The following ADAM22 variants were observed in gnomAD, a reference collection of about 807,000 sequenced individuals.
The protein encoded by ADAM22 is ADAM metallopeptidase domain 22, also known as disintegrin and metalloproteinase domain-containing protein 22.
In ADAM22, 65 loss-of-function variants were observed where a neutral mutation model predicts 144.6. The observed-to-expected ratio is 0.45, with a 90% CI of 0.37 to 0.55. The LOEUF is 0.55. ADAM22 is among the 20% of genes least tolerant of loss of function. The pLI is 0.00. For synonymous variants in ADAM22, 391 were observed against 412.6 expected (o/e 0.95, Z 0.63); for missense variants, 974 against 1,184.9 (o/e 0.82, Z 2.61).
At chr7:88,039,464 A>AAAAAAATATATATATATATAT in intron 3 of ADAM22, among the ~76,000 whole-genome samples, 1 of 76,374 alleles carries the variant, frequency 1.3e-5, no homozygotes, top group African/African-American at 4.7e-5. Flanking sequence ...AAAAAAAAAA[A>AAAAAAATATATATATATATAT]ATATATATAT....
At position 88,155,768 on chromosome 7, in the gene ADAM22, A is replaced by G. The variant is rs549211793; in HGVS notation, c.1788-119A>G. 2.1e-5 allele frequency: 24 copies of G among 1,169,506 alleles called. No homozygotes were observed. In the South Asian group the frequency reaches 3.8e-4, roughly 19 times the overall value. 72.4% of individuals were successfully genotyped at this position (1,169,506 alleles called of 1,614,324 possible). A position where few individuals can be genotyped will look rare whatever the true frequency, so the allele number is the denominator to read the frequency against. Reference sequence around the variant, plus strand: ...TTGGACTTATTTTATTTCACTTGGCATATGAGTAGATAATATACTTGATGA... The same window carrying G: ...TTGGACTTATTTTATTTCACTTGGCGTATGAGTAGATAATATACTTGATGA... On this transcript the variant is annotated intron_variant, in intron 21 of 31. Coordinates refer to ENST00000413139, the MANE Select transcript of ADAM22 (RefSeq NM_001324418.2).
chr7:88,148,544 GA>G (rs1407224643), intron 17 of ADAM22, among the ~76,000 whole-genome samples: 2 of 152,094 alleles, frequency 1.3e-5, no homozygotes, highest in African/African-American at 4.8e-5. Flanking sequence ...AACATGGGAG[GA>G]AATAGCTTTG....
chr7:88,101,568 A>G (rs1465152063), intron 4 of ADAM22, among the ~76,000 whole-genome samples: 1 of 152,188 alleles, frequency 6.6e-6, no homozygotes. Flanking sequence ...ATCCAGGCCA[A>G]AGCATCCTGC....
rs576021351 is a variant in ADAM22 at position 88,011,137 on chromosome 7, G to A, written c.323+32725G>A. Among the ~76,000 whole-genome samples the A allele has an allele frequency of 4.6e-5, 7 of 152,244 alleles. No individual in the cohort carries two copies. In the South Asian group the frequency reaches 1.2e-3, roughly 27 times the overall value. On this transcript the variant is annotated intron_variant, in intron 3 of 31. Transcript: ENST00000413139. ...TTAGGAAAGCTAGTAGTTGAGAAAG[G>A]GATCAGAGGGCTCAGAAACTTTCAG...
chr7:88,113,703 A>AATGTGTATATATATATATAT lies in ADAM22; in HGVS notation c.474-879_474-878insGTGTATATATATATATATAT, dbSNP rs1554478727. On this transcript the variant is annotated intron_variant, in intron 5 of 31. Coordinates refer to ENST00000413139, the MANE Select transcript of ADAM22 (RefSeq NM_001324418.2). ...TATATATATTATAAATAAATAAATA[A>AATGTGTATATATATATATAT]ATATATATATATATATATATATATA... Among the ~76,000 whole-genome samples, 33 of 48,108 alleles carry AATGTGTATATATATATATAT rather than the reference A, an allele frequency of 6.9e-4. 2 individuals carry two copies. Among genetic ancestry groups the AATGTGTATATATATATATAT allele is most frequent in the Admixed American group, 2.5e-3 (9 of 3,604 alleles). The allele number at this position is 48,108 out of a possible 152,430, so 31.6% of individuals were successfully genotyped here.
At chr7:88,007,996 C>G (rs1382140717) in intron 3 of ADAM22, among the ~76,000 whole-genome samples, 1 of 152,138 alleles carries the variant, frequency 6.6e-6, no homozygotes, top group African/African-American at 2.4e-5. Flanking sequence ...TTGCAACCTA[C>G]TCATCTGACA....
At chr7:88,046,805 A>G (rs369375183) in intron 3 of ADAM22, among the ~76,000 whole-genome samples, 19 of 152,316 alleles carry the variant, frequency 1.2e-4, no homozygotes, top group African/African-American at 3.4e-4. Context: ...TTCCAACACT[A>G]TTACAGTTAG....
intron 29 of ADAM22, chr7:88,186,392 T>A (rs1848320372): frequency 2.0e-6 from 1 of 509,560 alleles, no homozygotes; most frequent in Non-Finnish European, 3.5e-6. Flanking sequence ...TTCCCAGAAA[T>A]GTTGAATATA....
chr7:88,132,712 A>G (rs572439538), intron 11 of ADAM22, 155 bp from the exon 12 acceptor site: 28 of 558,948 alleles, frequency 5.0e-5, no homozygotes, highest in African/African-American at 4.4e-4. Context: ...CTTTGGTTAC[A>G]TGTATAAACA....
At chr7:88,048,055 C>A (rs951764989) in intron 3 of ADAM22, among the ~76,000 whole-genome samples, 1 of 152,106 alleles carries the variant, frequency 6.6e-6, no homozygotes, top group Admixed American at 6.5e-5. Flanking sequence ...TTATGTCCTG[C>A]CCTGTTGCTA....
Position 88,022,230 on chromosome 7 carries a change from G to A in ADAM22, c.323+43818G>A, listed in dbSNP as rs566785170. 1.0e-3 allele frequency among the ~76,000 whole-genome samples: 153 copies of A among 151,944 alleles called. 1 individual carries two copies. The highest frequency in any genetic ancestry group is 3.4e-3 in the African/African-American group (139 of 41,428). On this transcript the variant is annotated intron_variant, in intron 3 of 31. Coordinates refer to ENST00000413139, the MANE Select transcript of ADAM22 (RefSeq NM_001324418.2). ...TTAACTATTACTTAACTATTAATTA[G>A]CTATTACTTAACCATCACTTACCTA...
chr7:87,973,812 A>G (rs1851147560), intron 2 of ADAM22, among the ~76,000 whole-genome samples: 2 of 152,154 alleles, frequency 1.3e-5, no homozygotes, highest in African/African-American at 4.8e-5. Context: ...GCTGGAAACC[A>G]TCATTCTCAG....
At chr7:88,109,457 T>C (rs1455164420) in intron 5 of ADAM22, among the ~76,000 whole-genome samples, 1 of 152,184 alleles carries the variant, frequency 6.6e-6, no homozygotes, top group Admixed American at 6.5e-5. Flanking sequence ...TTCTTGTTTG[T>C]TTTACTTTTT....
At chr7:87,946,983 A>G (rs1843837823) in intron 2 of ADAM22, among the ~76,000 whole-genome samples, 1 of 152,230 alleles carries the variant, frequency 6.6e-6, no homozygotes, top group Middle Eastern at 3.2e-3. Flanking sequence ...ATTCTCACAT[A>G]TAAGTGGGAG....
At chr7:88,196,087 G>A (rs1219268293) in intron 31 of ADAM22, among the ~76,000 whole-genome samples, 6 of 152,204 alleles carry the variant, frequency 3.9e-5, no homozygotes. Context: ...AGCTGAGGTT[G>A]AGAACCACTG....
intron 4 of ADAM22, among the ~76,000 whole-genome samples, chr7:88,082,442 C>G (rs982505890): frequency 6.6e-6 from 1 of 152,102 alleles, no homozygotes; most frequent in Admixed American, 6.5e-5. Context: ...GACTTCATGT[C>G]TAAAACACCA....
intron 22 of ADAM22, among the ~76,000 whole-genome samples, chr7:88,161,786 T>G (rs184793283): frequency 3.3e-4 from 50 of 152,110 alleles, no homozygotes; most frequent in Admixed American, 2.6e-4. Context: ...TCAGAATGAT[T>G]ATTATTAAAA....
At chr7:87,940,193 A>T (rs991474013) in intron 2 of ADAM22, among the ~76,000 whole-genome samples, 2 of 151,764 alleles carry the variant, frequency 1.3e-5, no homozygotes, top group Non-Finnish European at 2.9e-5. Flanking sequence ...AAAAAAAAAA[A>T]AAAAAAAAAA....
Position 88,114,345 on chromosome 7 carries a change from A to G in ADAM22, c.474-239A>G, listed in dbSNP as rs928744969. Among the ~76,000 whole-genome samples, 10 of 152,274 alleles carry G rather than the reference A, an allele frequency of 6.6e-5. 1 individual carries two copies. Among genetic ancestry groups the G allele is most frequent in the African/African-American group, 1.7e-4 (7 of 41,544 alleles). On this transcript the variant is annotated intron_variant, in intron 5 of 31. Coordinates refer to ENST00000413139, the MANE Select transcript of ADAM22 (RefSeq NM_001324418.2). ...GAGGAAGAAGTGATGGGCAACAGCT[A>G]GAGCATGGCAATCCTGAGCATGGGG...
Sources: gnomAD v4.1 joint callset for allele counts (sites outside exome capture counted in the v4.1 genomes callset) on GRCh38, gnomAD v4.1.1 for gene constraint, MANE v1.5 for transcripts, NCBI Gene and HGNC (gene_info 2026-07-23, HGNC 2026-07-21) for gene names.